PCDH7: variants seen among roughly 807,000 people sequenced by gnomAD.
PCDH7 encodes the protein protocadherin 7, also known as protocadherin-7.
PCDH7 carries 17 observed loss-of-function variants against 58.9 expected under a neutral mutation model. The observed-to-expected ratio is 0.29, with a 90% CI of 0.20 to 0.43. The LOEUF (loss-of-function observed/expected upper bound fraction) is 0.43. Ranked by LOEUF, PCDH7 falls within the 20% of genes least tolerant of loss-of-function variation. The pLI, the probability that PCDH7 is intolerant of heterozygous loss-of-function variation, is 1.00. For missense variants in PCDH7, 1,274 were observed against 1,441.0 expected, an observed-to-expected ratio of 0.88 and a Z score of 1.88; for synonymous variants, 664 against 616.4, an observed-to-expected ratio of 1.08 and a Z score of -1.14.
At chr4:30,739,145 TA>T (rs1716729350) in intron 1 of PCDH7, among the ~76,000 whole-genome samples, 1 of 146,684 alleles carries the variant, frequency 6.8e-6, no homozygotes, top group African/African-American at 2.5e-5. Flanking sequence ...AAAATATATA[TA>T]TTTTATATAT....
chr4:30,949,252 G>A (rs1041734843), intron 2 of PCDH7, among the ~76,000 whole-genome samples: 2 of 151,976 alleles, frequency 1.3e-5, no homozygotes, highest in African/African-American at 2.4e-5. Flanking sequence ...AACAGTTTAA[G>A]AGAAACATTT....
intron 2 of PCDH7, among the ~76,000 whole-genome samples, chr4:30,921,307 G>A (rs1393547345): frequency 6.6e-6 from 1 of 152,056 alleles, no homozygotes; most frequent in Non-Finnish European, 1.5e-5. Flanking sequence ...AGTAAAACTT[G>A]CAGTGGATTT....
chr4:31,139,000 A>G (rs1719942921), intron 3 of PCDH7, among the ~76,000 whole-genome samples: 1 of 151,962 alleles, frequency 6.6e-6, no homozygotes, highest in African/African-American at 2.4e-5. Context: ...GAAAAGAAAA[A>G]AAACTCTACT....
At chr4:30,944,324 T>G (rs576958914) in intron 2 of PCDH7, among the ~76,000 whole-genome samples, 1 of 152,134 alleles carries the variant, frequency 6.6e-6, no homozygotes, top group Non-Finnish European at 1.5e-5. Flanking sequence ...TCTATTAAAA[T>G]ATATTATTTT....
rs748258205 is a variant in PCDH7 at position 30,723,279 on chromosome 4, G to T, written c.1857G>T (p.Leu619=). ...CCAAAGACAAAGGCATCCCCGTGCT[G>T]CAGGGCAGCACTACGGTGATTGTGC... Residue 619 remains leucine (L), a synonymous_variant, in exon 1 of 2, where the codon CTG becomes CTT. Coordinates refer to ENST00000361762, the Ensembl canonical transcript of PCDH7. The surrounding 1 kb of genome is among the most constrained non-coding windows in gnomAD (Gnocchi z 4.6). 9.9e-6 allele frequency: 16 copies of T among 1,614,102 alleles called. No individual in the cohort carries two copies. In the South Asian group the frequency reaches 1.4e-4, roughly 14 times the overall value.
intron 1 of PCDH7, among the ~76,000 whole-genome samples, chr4:30,817,189 T>G (rs1431359014): frequency 1.3e-5 from 2 of 152,174 alleles, no homozygotes; most frequent in Non-Finnish European, 2.9e-5. Flanking sequence ...TGCAAGATAT[T>G]TACTTGCTAT....
chr4:31,117,778 C>T (rs1717179048), intron 3 of PCDH7, among the ~76,000 whole-genome samples: 1 of 152,038 alleles, frequency 6.6e-6, no homozygotes, highest in Non-Finnish European at 1.5e-5. Context: ...AGTAATGACA[C>T]ATGGTAGGAC....
chr4:31,142,711 C>T (rs759118323), exon 4 of PCDH7: 1 of 1,367,710 alleles, frequency 7.3e-7, no homozygotes, highest in Non-Finnish European at 9.8e-7. Flanking sequence ...AAAAGTTGAC[C>T]TCATCCTATG....
chr4:30,817,140 G>A (rs907583916), intron 1 of PCDH7, among the ~76,000 whole-genome samples: 1 of 152,136 alleles, frequency 6.6e-6, no homozygotes, highest in African/African-American at 2.4e-5. Context: ...TATAGGAGAA[G>A]AAAATGGCAC....
At chr4:31,075,073 T>A (rs959645013) in intron 3 of PCDH7, among the ~76,000 whole-genome samples, 1 of 152,166 alleles carries the variant, frequency 6.6e-6, no homozygotes, top group Admixed American at 6.5e-5. Context: ...ACCCTTTTTT[T>A]ACAAACAGAG....
intron 3 of PCDH7, among the ~76,000 whole-genome samples, chr4:31,054,690 G>T (rs1296892721): frequency 1.3e-5 from 2 of 152,056 alleles, no homozygotes; most frequent in Non-Finnish European, 2.9e-5. Flanking sequence ...ATCAACTAAA[G>T]ATTTCTATTC....
rs527291178 is a variant in PCDH7 at position 31,090,818 on chromosome 4, T to C, written c.*8-51655T>C. 3.7e-4 allele frequency among the ~76,000 whole-genome samples: 57 copies of C among 152,176 alleles called. No individual in the cohort carries two copies. The South Asian group carries it at 0.011, about 29-fold the overall frequency. On this transcript the variant is annotated intron_variant, in intron 3 of 3. Coordinates refer to the PCDH7 transcript ENST00000509759. ...TTCTGTTCTAAAATGTATTGACTAA[T>C]GCTTAAGTCAATAGTTTAACTCCAT...
intron 1 of PCDH7, among the ~76,000 whole-genome samples, chr4:30,755,065 G>A (rs1277250459): frequency 6.6e-6 from 1 of 152,120 alleles, no homozygotes; most frequent in African/African-American, 2.4e-5. Context: ...ATCATACAGT[G>A]GCTAAGATGT....
At chr4:30,929,660 T>C (rs1218163530) in intron 2 of PCDH7, among the ~76,000 whole-genome samples, 1 of 152,196 alleles carries the variant, frequency 6.6e-6, no homozygotes, top group Non-Finnish European at 1.5e-5. Context: ...TATCCAGCTA[T>C]TTAAAAATCT....
chr4:30,833,278 A>G (rs752491097), intron 1 of PCDH7, among the ~76,000 whole-genome samples: 6 of 152,152 alleles, frequency 3.9e-5, no homozygotes, highest in Non-Finnish European at 8.8e-5. Flanking sequence ...TCCAGATATC[A>G]GCAGGATTCC....
intron 2 of PCDH7, among the ~76,000 whole-genome samples, chr4:30,937,065 G>T (rs1745443509): frequency 6.6e-6 from 1 of 151,998 alleles, no homozygotes; most frequent in South Asian, 2.1e-4. Context: ...ATTGCATTAA[G>T]AGCCTGATTC....
chr4:31,032,429 G>A (rs1278673982), intron 3 of PCDH7, among the ~76,000 whole-genome samples: 4 of 152,000 alleles, frequency 2.6e-5, no homozygotes, highest in South Asian at 4.1e-4. Context: ...CCAACATGGC[G>A]AGACCTCGTC....
intron 1 of PCDH7, among the ~76,000 whole-genome samples, chr4:30,855,926 G>A (rs776715271): frequency 2.0e-5 from 3 of 152,000 alleles, no homozygotes; most frequent in Non-Finnish European, 4.4e-5. Flanking sequence ...CGGATCTGTC[G>A]GCATTGTTAA....
intron 3 of PCDH7, among the ~76,000 whole-genome samples, chr4:31,127,368 G>A (rs945956994): frequency 1.3e-5 from 2 of 152,308 alleles, no homozygotes; most frequent in African/African-American, 2.4e-5. Flanking sequence ...AAGCCTAAAT[G>A]TATGTAATTT....
Sources: allele counts gnomAD v4.1 joint callset (sites outside exome capture counted in the v4.1 genomes callset), GRCh38; gene constraint gnomAD v4.1.1; non-coding constraint Gnocchi (gnomAD v3.1); transcripts MANE v1.5; gene names NCBI Gene and HGNC (gene_info 2026-07-23, HGNC 2026-07-21).